The following CHD4 variants were observed in gnomAD, a reference collection of about 807,000 sequenced individuals.
CHD4 encodes the protein ATP-dependent chromatin remodeler CHD4.
In CHD4, 35 loss-of-function variants were observed where a neutral mutation model predicts 235.5. The ratio of observed to expected loss-of-function variants is 0.15; its 90% CI spans 0.11 to 0.20. The LOEUF (loss-of-function observed/expected upper bound fraction) is 0.20. Ranked by LOEUF, CHD4 falls within the 10% of genes least tolerant of loss-of-function variation. The pLI, the probability that CHD4 is intolerant of heterozygous loss-of-function variation, is 1.00. For synonymous variants in CHD4, 900 were observed against 850.2 expected, an observed-to-expected ratio of 1.06 and a Z score of -1.02; for missense variants, 1,329 against 2,432.3, an observed-to-expected ratio of 0.55 and a Z score of 9.54.
intron 17 of CHD4, 137 bp from the exon 18 acceptor site, chr12:6,592,954 G>A: frequency 1.3e-6 from 2 of 1,506,220 alleles, no homozygotes; most frequent in Non-Finnish European, 1.8e-6. Flanking sequence ...TGGCCACCAA[G>A]GGCTGTCACA....
chr12:6,597,627 A>G (rs1948522534), intron 12 of CHD4, among the ~76,000 whole-genome samples: 1 of 152,060 alleles, frequency 6.6e-6, no homozygotes, highest in South Asian at 2.1e-4. Context: ...TTAGCTGGGC[A>G]TGGTGGCTTG....
chr12:6,579,327 G>C (rs1195696854), intron 33 of CHD4: 1 of 250,610 alleles, frequency 4.0e-6, no homozygotes, highest in East Asian at 1.2e-4. Flanking sequence ...GCTCACACCT[G>C]TAATCCCAGC....
At chr12:6,605,678 A>G (rs755495039) in intron 2 of CHD4, among the ~76,000 whole-genome samples, 2 of 151,820 alleles carry the variant, frequency 1.3e-5, no homozygotes, top group Non-Finnish European at 2.9e-5. Flanking sequence ...CCGAGCCCCC[A>G]TCACTTCCCC....
intron 33 of CHD4, 108 bp downstream of exon 33, chr12:6,580,936 G>A: frequency 8.1e-7 from 1 of 1,230,428 alleles, no homozygotes; most frequent in African/African-American, 1.5e-5. Flanking sequence ...GAACCTGGGA[G>A]GTGGAGGTTG....
chr12:6,581,650 A>C lies in CHD4; in HGVS notation c.4680T>G (p.Ala1560=). ...AAATGATAGGACAGGCAGACTTACC[A>C]GCAGGTGGGACAGGTGCAGGAGTGT... ...QPNTPAPVPP[A]EDGIKIEENS... The change falls in exon 31 of 40, where the codon GCT becomes GCG. Residue 1560 remains alanine, a splice_region_variant and synonymous_variant. Transcript: ENST00000544040. 1.2e-6 allele frequency: 2 copies of C among 1,613,854 alleles called. No individual in the cohort carries two copies. Among genetic ancestry groups the C allele is most frequent in the Non-Finnish European group, 1.7e-6 (2 of 1,179,776 alleles).
intron 25 of CHD4, among the ~76,000 whole-genome samples, chr12:6,585,081 C>G (rs571323074): frequency 6.6e-6 from 1 of 152,092 alleles, no homozygotes; most frequent in Non-Finnish European, 1.5e-5. Context: ...CAAAGACCAC[C>G]AGAACCAATG....
intron 2 of CHD4, among the ~76,000 whole-genome samples, 192 bp from the exon 3 acceptor site, chr12:6,602,689 G>A (rs968601420): frequency 5.9e-5 from 9 of 152,118 alleles, no homozygotes; most frequent in Non-Finnish European, 8.8e-5. Flanking sequence ...GTATATACCC[G>A]AAATAGGCCT....
chr12:6,587,823 C>A lies in CHD4; in HGVS notation c.3592G>T (p.Val1198Leu). 1 of 1,614,248 alleles carries A rather than the reference C, an allele frequency of 6.2e-7. No homozygotes were observed. The highest frequency in any genetic ancestry group is 8.5e-7 in the Non-Finnish European group (1 of 1,180,052). ...TTGGAGCCCAGCCCAGGCCGCACCA[C>A]TAGATGCGTCAGCATCATTTTCTTC... is the stretch of plus-strand genomic sequence containing the variant. The part of the protein sequence containing the change: ...AKKKMMLTHL[V>L]VRPGLGSKTG... The change falls in exon 24 of 40, where the codon GTG (valine) becomes TTG (leucine). Residue 1198 changes from valine (V) to leucine (L), a missense_variant. Physicochemically the swap from Val to Leu is conservative, Grantham distance 32 (BLOSUM62 1). Coordinates refer to ENST00000544040, the MANE Select transcript of CHD4 (RefSeq NM_001273.5).
At position 6,600,997 on chromosome 12, in the gene CHD4, G is replaced by T; in HGVS notation, c.856C>A (p.Pro286Thr). Residue 286 changes from proline (P) to threonine (T), a missense_variant, in exon 7 of 40, where the codon CCT becomes ACT. Pro to Thr is a conservative substitution (Grantham distance 38, BLOSUM62 -1). Around this residue, in one of 26 missense-constraint regions of CHD4, gnomAD observed 160 missense variants for 196.6 expected, o/e 0.81. Coordinates refer to ENST00000544040, the MANE Select transcript of CHD4 (RefSeq NM_001273.5). ...GSPRVPDAKK[P>T]KPKKVAPLKI... Reference sequence around the variant, plus strand: ...AGGGGAGCTACTTTCTTGGGTTTAGGCTTCTTGGCATCAGGTACACGAGGG... The same window carrying T: ...AGGGGAGCTACTTTCTTGGGTTTAGTCTTCTTGGCATCAGGTACACGAGGG... The T allele has an allele frequency of 6.2e-7, 1 of 1,607,664 alleles. No homozygotes were observed. Among genetic ancestry groups the T allele is most frequent in the Non-Finnish European group, 8.5e-7 (1 of 1,177,980 alleles).
At chr12:6,582,377 A>G in intron 29 of CHD4, 96 bp from the exon 30 acceptor site, 2 of 1,428,714 alleles carry the variant, frequency 1.4e-6, no homozygotes, top group South Asian at 2.8e-5. Flanking sequence ...GGCAATAACT[A>G]TGGCTCCACC....
chr12:6,591,566 G>C lies in CHD4; in HGVS notation c.3240C>G (p.Asp1080Glu), dbSNP rs748943517. The change falls in exon 22 of 40, where the codon GAC (aspartate) becomes GAG (glutamate). Residue 1080 changes from aspartate (D) to glutamate (E), a missense_variant. Physicochemically the swap from Asp to Glu is conservative, Grantham distance 45. Transcript: ENST00000544040. Reference sequence around the variant, plus strand: ...CATGTTCCAAGAAATCCTCTAGCAGGTCTAGCATCTTGGTCATCTGCAAAA... The same window carrying C: ...CATGTTCCAAGAAATCCTCTAGCAGCTCTAGCATCTTGGTCATCTGCAAAA... ...LIFSQMTKML[D>E]LLEDFLEHEG... The C allele has an allele frequency of 1.2e-6, 2 of 1,614,142 alleles. No individual in the cohort carries two copies. The highest frequency in any genetic ancestry group is 1.7e-6 in the Non-Finnish European group (2 of 1,180,012).
chr12:6,570,294 G>C lies in CHD4; in HGVS notation c.*382C>G, dbSNP rs73045994. 7.4e-3 allele frequency: 1,722 copies of C among 232,820 alleles called. 12 individuals carry two copies. Among genetic ancestry groups the C allele is most frequent in the Non-Finnish European group, 9.6e-3 (1,145 of 118,776 alleles). The allele number at this position is 232,820 out of a possible 1,614,324, so 14.4% of individuals were successfully genotyped here. On this transcript the variant is annotated 3_prime_UTR_variant, in exon 40 of 40. Coordinates refer to ENST00000544040, the MANE Select transcript of CHD4 (RefSeq NM_001273.5). ...GCCCACTCTGAATACCCCCCAAAAAGGAGAAAAGAAAACACAAAATAAACC... is the reference window on the plus strand; with the variant it reads ...GCCCACTCTGAATACCCCCCAAAAACGAGAAAAGAAAACACAAAATAAACC...
At chr12:6,605,285 G>GA (rs1245477052) in intron 2 of CHD4, among the ~76,000 whole-genome samples, 1 of 151,274 alleles carries the variant, frequency 6.6e-6, no homozygotes, top group Non-Finnish European at 1.5e-5. Flanking sequence ...ATGACATGTA[G>GA]AAAAAAAAAT....
chr12:6,606,538 C>T (rs1427405870), intron 1 of CHD4, 87 bp from the exon 2 acceptor site: 2 of 507,292 alleles, frequency 3.9e-6, no homozygotes, highest in East Asian at 7.1e-5. Flanking sequence ...TTCCGCCCCC[C>T]ACCCCAGCCA....
At chr12:6,595,956 CAA>C (rs376930091) in intron 13 of CHD4, 48 bp downstream of exon 13, 15,654 of 1,249,168 alleles carry the variant, frequency 0.013, no homozygotes, top group East Asian at 0.02. Context: ...GACTCCATCT[CAA>C]AAAAAAAAAA....
chr12:6,587,340 C>T (rs766225598), intron 25 of CHD4, 44 bp downstream of exon 25: 7 of 1,584,834 alleles, frequency 4.4e-6, no homozygotes, highest in Admixed American at 1.8e-5. Flanking sequence ...TGCCAATTTT[C>T]AGACCAATTA....
chr12:6,591,201 G>T, intron 22 of CHD4: 3 of 207,880 alleles, frequency 1.4e-5, no homozygotes, highest in East Asian at 1.0e-4. Flanking sequence ...CTTGCTATTT[G>T]AGCTTGAACA....
chr12:6,573,844 C>T lies in CHD4; in HGVS notation c.5362-575G>A, dbSNP rs558863669. 1.4e-3 allele frequency among the ~76,000 whole-genome samples: 215 copies of T among 152,048 alleles called. 1 individual carries two copies. The highest frequency in any genetic ancestry group is 4.8e-3 in the African/African-American group (200 of 41,482). On this transcript the variant is annotated intron_variant, in intron 37 of 39. Transcript: ENST00000544040. ...TTCAAGACCAGCCTGGCCAACATGA[C>T]AAAACCCCGTCTCTACTAAAAACAC... is the stretch of plus-strand genomic sequence containing the variant.
Position 6,570,962 on chromosome 12 carries a change from G to C in CHD4, c.5628C>G (p.Ala1876=). 1 of 1,614,154 alleles carries C rather than the reference G, an allele frequency of 6.2e-7. No individual in the cohort carries two copies. The highest frequency in any genetic ancestry group is 8.5e-7 in the Non-Finnish European group (1 of 1,180,042). Residue 1876 remains alanine (A), a synonymous_variant, in exon 39 of 40, where the codon GCC becomes GCG. Transcript: ENST00000544040. The part of the protein sequence containing the change: ...ADVTRLPATI[A]RIPPVAVRLQ... ...ACCTCACAGCAACTGGGGGAATTCGGGCAATGGTAGCTGGGAGTCGAGTCA... is the reference window on the plus strand; with the variant it reads ...ACCTCACAGCAACTGGGGGAATTCGCGCAATGGTAGCTGGGAGTCGAGTCA...
Sources: gnomAD v4.1 joint callset for allele counts (sites outside exome capture counted in the v4.1 genomes callset) on GRCh38, gnomAD v4.1.1 for gene constraint, gnomAD v4.1.1 regional missense constraint, MANE v1.5 for transcripts, NCBI Gene and HGNC (gene_info 2026-07-23, HGNC 2026-07-21) for gene names.